Variants in KIAA0825 observed in about 807,000 individuals in gnomAD.
KIAA0825 encodes the protein uncharacterized protein KIAA0825.
In KIAA0825, 119 loss-of-function variants were observed where a neutral mutation model predicts 147.6. That is an observed-to-expected ratio of 0.81 (90% confidence interval 0.69 to 0.94). The LOEUF is 0.94. KIAA0825 is among the 40% of genes least tolerant of loss of function. The probability of loss-of-function intolerance (pLI) is 0.00; values close to 1 mark genes in which losing one functional copy is unlikely to be tolerated. For synonymous variants in KIAA0825, 470 were observed against 518.1 expected, an observed-to-expected ratio of 0.91 and a Z score of 1.26; for missense variants, 1,381 against 1,472.7, an observed-to-expected ratio of 0.94 and a Z score of 1.02.
At chr5:94,325,231 G>C (rs907562400) in intron 20 of KIAA0825, among the ~76,000 whole-genome samples, 2 of 151,814 alleles carry the variant, frequency 1.3e-5, no homozygotes, top group African/African-American at 4.8e-5. Context: ...TGGACCTATG[G>C]TATACTCAAA....
At chr5:94,616,960 A>G (rs1161386020) in intron 1 of KIAA0825, among the ~76,000 whole-genome samples, 2 of 152,248 alleles carry the variant, frequency 1.3e-5, no homozygotes, top group Non-Finnish European at 2.9e-5. Context: ...AGAGTCAGGT[A>G]GACTGGATTC....
At chr5:94,593,957 T>C (rs1401777918) in intron 1 of KIAA0825, 1 of 460,656 alleles carries the variant, frequency 2.2e-6, no homozygotes, top group African/African-American at 2.0e-5. Context: ...CCCAAATAAA[T>C]CCATCCATTT....
intron 2 of KIAA0825, among the ~76,000 whole-genome samples, chr5:94,539,899 C>T (rs1584825727): frequency 6.6e-6 from 1 of 152,140 alleles, no homozygotes; most frequent in Non-Finnish European, 1.5e-5. Flanking sequence ...CTGCCTTGCA[C>T]TCTTTGCTGA....
At chr5:94,542,589 C>G (rs1773551943) in intron 2 of KIAA0825, among the ~76,000 whole-genome samples, 1 of 152,140 alleles carries the variant, frequency 6.6e-6, no homozygotes, top group African/African-American at 2.4e-5. Context: ...GAGGGATCAC[C>G]TGAGGTCAGG....
intron 20 of KIAA0825, among the ~76,000 whole-genome samples, chr5:94,157,478 C>T (rs1270670386): frequency 3.3e-5 from 5 of 152,178 alleles, no homozygotes; most frequent in Non-Finnish European, 7.3e-5. Flanking sequence ...GACTGAGATA[C>T]TCTAACAGAA....
intron 11 of KIAA0825, among the ~76,000 whole-genome samples, chr5:94,463,160 ATTTC>A (rs974228869): frequency 1.3e-5 from 2 of 151,620 alleles, no homozygotes; most frequent in African/African-American, 4.8e-5. Flanking sequence ...TCATAGACTT[ATTTC>A]TTTGTTTCCA....
intron 1 of KIAA0825, among the ~76,000 whole-genome samples, chr5:94,592,018 T>C (rs973778769): frequency 7.2e-5 from 11 of 152,338 alleles, no homozygotes; most frequent in African/African-American, 2.6e-4. Context: ...GCAGCTATAA[T>C]TCAAGATGAG....
intron 1 of KIAA0825, among the ~76,000 whole-genome samples, chr5:94,590,743 T>C (rs79469602): frequency 0.019 from 2,958 of 152,282 alleles, 75 homozygotes; most frequent in African/African-American, 0.058. Context: ...ATTCCACACA[T>C]TGTCAATGTT....
At chr5:94,235,276 AATG>A (rs1332855159) in intron 20 of KIAA0825, among the ~76,000 whole-genome samples, 4 of 152,214 alleles carry the variant, frequency 2.6e-5, no homozygotes, top group Non-Finnish European at 5.9e-5. Context: ...TGAACACATG[AATG>A]ATAAGAAAGT....
At chr5:94,186,512 T>A (rs1770133527) in intron 20 of KIAA0825, among the ~76,000 whole-genome samples, 1 of 152,194 alleles carries the variant, frequency 6.6e-6, no homozygotes, top group Non-Finnish European at 1.5e-5. Flanking sequence ...CTTAATTAGG[T>A]TATTTATGAT....
intron 20 of KIAA0825, among the ~76,000 whole-genome samples, chr5:94,332,160 C>CAAAAA (rs34035583): frequency 1.3e-4 from 12 of 93,828 alleles, no homozygotes; most frequent in Non-Finnish European, 1.7e-4. Flanking sequence ...GACTCCATCT[C>CAAAAA]AAAAAAAAAA....
At chr5:94,489,811 G>A (rs989892345) in intron 5 of KIAA0825, among the ~76,000 whole-genome samples, 6 of 150,848 alleles carry the variant, frequency 4.0e-5, no homozygotes, top group Admixed American at 2.0e-4. Context: ...ACTTGAAACC[G>A]GGAGGCAGAG....
chr5:94,155,424 T>G (rs1766950144), intron 20 of KIAA0825, among the ~76,000 whole-genome samples: 1 of 151,792 alleles, frequency 6.6e-6, no homozygotes, highest in Admixed American at 6.6e-5. Context: ...TCCCCTATGT[T>G]GCCCAGGCTC....
chr5:94,238,113 A>G (rs976669143), intron 20 of KIAA0825, among the ~76,000 whole-genome samples: 1 of 152,160 alleles, frequency 6.6e-6, no homozygotes, highest in Admixed American at 6.5e-5. Context: ...GGATTTCTGG[A>G]AAAATATAAC....
chr5:94,355,342 C>T (rs755975471), intron 20 of KIAA0825, among the ~76,000 whole-genome samples: 4 of 152,258 alleles, frequency 2.6e-5, no homozygotes, highest in East Asian at 1.9e-4. Context: ...CCACAAAGGA[C>T]GGCTTTGCAG....
At chr5:94,341,215 T>G (rs780570549) in intron 20 of KIAA0825, among the ~76,000 whole-genome samples, 1 of 152,008 alleles carries the variant, frequency 6.6e-6, no homozygotes, top group Non-Finnish European at 1.5e-5. Context: ...GTAAGCAGAG[T>G]TTAAAAATAT....
chr5:94,604,478 G>A (rs956037994), intron 1 of KIAA0825, among the ~76,000 whole-genome samples: 4 of 152,134 alleles, frequency 2.6e-5, no homozygotes, highest in African/African-American at 9.7e-5. Context: ...AAAATCACTT[G>A]AACCCAGGAA....
intron 20 of KIAA0825, among the ~76,000 whole-genome samples, chr5:94,334,070 T>C (rs1020319267): frequency 1.3e-5 from 2 of 152,200 alleles, no homozygotes; most frequent in African/African-American, 2.4e-5. Context: ...CAAGCTACCA[T>C]TGACTTTCTT....
intron 4 of KIAA0825, 88 bp from the exon 5 acceptor site, chr5:94,521,005 G>T: frequency 8.7e-7 from 1 of 1,143,332 alleles, no homozygotes; most frequent in South Asian, 1.8e-5. Context: ...ATAATTTCAG[G>T]TTGAAATCAA....
Sources: allele counts gnomAD v4.1 joint callset (sites outside exome capture counted in the v4.1 genomes callset), GRCh38; gene constraint gnomAD v4.1.1; transcripts MANE v1.5; gene names NCBI Gene and HGNC (gene_info 2026-07-23, HGNC 2026-07-21).